Variants in WDPCP observed in about 807,000 individuals in gnomAD.
WDPCP encodes the protein WD repeat containing planar cell polarity effector.
In WDPCP, 71 loss-of-function variants were observed where a neutral mutation model predicts 93.1. The ratio of observed to expected loss-of-function variants is 0.76; its 90% CI spans 0.63 to 0.93. The LOEUF is 0.93. WDPCP is among the 40% of genes least tolerant of loss of function. The pLI is 0.00. For missense variants in WDPCP, 844 were observed against 887.4 expected, an observed-to-expected ratio of 0.95 and a Z score of 0.62; for synonymous variants, 315 against 315.0, an observed-to-expected ratio of 1.00 and a Z score of 0.00.
chr2:63,655,736 G>A (rs1281963936), intron 2 of WDPCP, among the ~76,000 whole-genome samples: 2 of 152,032 alleles, frequency 1.3e-5, no homozygotes, highest in South Asian at 2.1e-4. Flanking sequence ...TTACACAAAA[G>A]GTGTAATACT....
intron 6 of WDPCP, among the ~76,000 whole-genome samples, chr2:63,456,474 T>C (rs1279204230): frequency 2.0e-5 from 3 of 151,964 alleles, no homozygotes; most frequent in Non-Finnish European, 4.4e-5. Flanking sequence ...AAACACAATA[T>C]ACCCAAGCCT....
chr2:63,624,884 AT>A (rs1250395820), intron 3 of WDPCP, among the ~76,000 whole-genome samples: 2 of 152,162 alleles, frequency 1.3e-5, no homozygotes, highest in African/African-American at 4.8e-5. Context: ...AAAAAAGAAA[AT>A]TTCATGACAA....
At chr2:63,215,255 T>TA (rs1677215017) in intron 14 of WDPCP, among the ~76,000 whole-genome samples, 1 of 151,902 alleles carries the variant, frequency 6.6e-6, no homozygotes, top group African/African-American at 2.4e-5. Context: ...AAAACAGAGA[T>TA]ATAGACCAAT....
chr2:63,757,608 G>A (rs2103903285), intron 2 of WDPCP, among the ~76,000 whole-genome samples: 1 of 152,308 alleles, frequency 6.6e-6, no homozygotes, highest in Non-Finnish European at 1.5e-5. Context: ...AACATTTGGT[G>A]ACCAAAAGGC....
intron 1 of WDPCP, among the ~76,000 whole-genome samples, chr2:63,547,983 C>G (rs1705280961): frequency 6.6e-6 from 1 of 151,954 alleles, no homozygotes; most frequent in Non-Finnish European, 1.5e-5. Context: ...GAGAGATATT[C>G]TAATTACCCT....
At chr2:63,438,318 C>G (rs1175725799) in intron 7 of WDPCP, among the ~76,000 whole-genome samples, 1 of 135,398 alleles carries the variant, frequency 7.4e-6, no homozygotes. Context: ...CCTGACCATA[C>G]AAACAGTGAC....
At chr2:63,218,440 G>A (rs1051225907) in intron 14 of WDPCP, among the ~76,000 whole-genome samples, 5 of 152,068 alleles carry the variant, frequency 3.3e-5, no homozygotes, top group African/African-American at 7.2e-5. Flanking sequence ...ACATATATGT[G>A]TTTCTGTTTA....
At chr2:63,380,127 T>G (rs528023720) in intron 11 of WDPCP, among the ~76,000 whole-genome samples, 1 of 152,148 alleles carries the variant, frequency 6.6e-6, no homozygotes, top group Non-Finnish European at 1.5e-5. Context: ...TGAGGGTCAA[T>G]ATTTTATCTT....
At chr2:63,774,734 C>A (rs1041464109) in intron 2 of WDPCP, among the ~76,000 whole-genome samples, 1 of 152,064 alleles carries the variant, frequency 6.6e-6, no homozygotes, top group African/African-American at 2.4e-5. Flanking sequence ...TTTTCAAGTT[C>A]TTCTTCAGCT....
chr2:63,349,937 A>G (rs904889710), intron 12 of WDPCP, among the ~76,000 whole-genome samples: 10 of 152,286 alleles, frequency 6.6e-5, no homozygotes, highest in African/African-American at 2.4e-4. Flanking sequence ...AAAGACTGAA[A>G]TGGAAGAATT....
At chr2:63,523,198 A>G (rs1703069978) in intron 1 of WDPCP, among the ~76,000 whole-genome samples, 1 of 152,194 alleles carries the variant, frequency 6.6e-6, no homozygotes, top group African/African-American at 2.4e-5. Context: ...ACAGCTAACA[A>G]TGAAAACCAC....
In WDPCP at chr2:63,213,489, C is replaced by T. The variant is rs951004241; in HGVS notation, c.1916-38657G>A. On this transcript the variant is annotated intron_variant, in intron 14 of 17. Transcript: ENST00000272321. ...ATTTAAAGCAGTGTGGAGAGGGAAA[C>T]TTATAGCACTAAATGCCCACAAGAG... 3.3e-5 allele frequency among the ~76,000 whole-genome samples: 5 copies of T among 152,162 alleles called. No homozygotes were observed. In the East Asian group the frequency reaches 5.8e-4, roughly 18 times the overall value.
chr2:63,675,680 T>C (rs1448667497), intron 2 of WDPCP, among the ~76,000 whole-genome samples: 1 of 152,200 alleles, frequency 6.6e-6, no homozygotes, highest in Non-Finnish European at 1.5e-5. Flanking sequence ...TTTTAACAAA[T>C]ACTAAGTTTT....
rs142983019 is a variant in WDPCP, at chr2:63,678,483, C to T, written n.309-27645G>A. On this transcript the variant is annotated intron_variant and non_coding_transcript_variant, in intron 2 of 4. Transcript: ENST00000467687. ...CACAGGAAGACAAAAGGGAATGGGG[C>T]AGGGAATTAATTTGAAGTAAGCCAG... Among the ~76,000 whole-genome samples, 113 of 152,282 alleles carry T rather than the reference C, an allele frequency of 7.4e-4. 3 individuals are homozygous for T. The East Asian group carries it at 0.017, about 23-fold the overall frequency.
chr2:63,320,124 C>T (rs1470725099), intron 12 of WDPCP, among the ~76,000 whole-genome samples: 1 of 151,904 alleles, frequency 6.6e-6, no homozygotes, highest in Non-Finnish European at 1.5e-5. Flanking sequence ...AAACATCCAA[C>T]TTAATAATTT....
At chr2:63,230,605 C>G (rs1244843900) in intron 14 of WDPCP, among the ~76,000 whole-genome samples, 4 of 152,158 alleles carry the variant, frequency 2.6e-5, no homozygotes, top group African/African-American at 7.2e-5. Flanking sequence ...CCTATTGTTT[C>G]CTGACTTTTT....
chr2:63,450,260 C>A (rs1698146739), intron 6 of WDPCP, among the ~76,000 whole-genome samples: 3 of 152,146 alleles, frequency 2.0e-5, no homozygotes, highest in Admixed American at 1.3e-4. Flanking sequence ...GTGGAATGGC[C>A]TCCATGCCTA....
intron 1 of WDPCP, among the ~76,000 whole-genome samples, chr2:63,560,218 C>T (rs191789680): frequency 3.3e-5 from 5 of 151,764 alleles, no homozygotes; most frequent in African/African-American, 9.7e-5. Context: ...AGCAAAAATC[C>T]GTCGCAAGAA....
intron 2 of WDPCP, among the ~76,000 whole-genome samples, chr2:63,728,100 T>G (rs796306366): frequency 6.6e-6 from 1 of 152,220 alleles, no homozygotes; most frequent in East Asian, 1.9e-4. Flanking sequence ...ACAAAATTAA[T>G]GTATCTTCTA....
Sources: allele counts gnomAD v4.1 joint callset (sites outside exome capture counted in the v4.1 genomes callset), GRCh38; gene constraint gnomAD v4.1.1; transcripts MANE v1.5; gene names NCBI Gene and HGNC (gene_info 2026-07-23, HGNC 2026-07-21).